The following SORCS3 variants were observed in gnomAD, a reference collection of about 807,000 sequenced individuals.
SORCS3 encodes VPS10 domain-containing receptor SorCS3.
A neutral mutation model predicts 146.3 loss-of-function variants in SORCS3; 57 were observed. The observed-to-expected ratio is 0.39, with a 90% CI of 0.31 to 0.49. SORCS3 has a LOEUF of 0.49. Among genes scored for constraint, SORCS3 ranks in the 20% least tolerant of loss-of-function variants. The probability of loss-of-function intolerance (pLI) is 0.92; values close to 1 mark genes in which losing one functional copy is unlikely to be tolerated. For missense variants in SORCS3, 1,341 were observed against 1,575.5 expected (o/e 0.85, Z 2.52); for synonymous variants, 653 against 618.5 (o/e 1.06, Z -0.83).
intron 4 of SORCS3, among the ~76,000 whole-genome samples, chr10:105,012,076 C>T (rs1281593130): frequency 6.6e-6 from 1 of 152,140 alleles, no homozygotes; most frequent in African/African-American, 2.4e-5. Context: ...AGTTTCAGAG[C>T]ATTCTTCAGC....
chr10:104,991,743 C>T (rs538565792), intron 4 of SORCS3, among the ~76,000 whole-genome samples: 33 of 152,262 alleles, frequency 2.2e-4, no homozygotes, highest in Admixed American at 3.9e-4. Flanking sequence ...TTGTGATCCG[C>T]CCACCTTGGC....
chr10:105,025,996 C>G (rs1360990762), intron 4 of SORCS3, among the ~76,000 whole-genome samples: 1 of 152,048 alleles, frequency 6.6e-6, no homozygotes, highest in Non-Finnish European at 1.5e-5. Flanking sequence ...AGGAAGTCAT[C>G]TTTGACTCTT....
chr10:104,963,312 AC>A (rs2054806720), intron 3 of SORCS3, among the ~76,000 whole-genome samples: 1 of 152,138 alleles, frequency 6.6e-6, no homozygotes. Context: ...AGCTCACTCC[AC>A]TGGCTTTGCC....
At chr10:104,720,349 GC>G (rs1463208959) in intron 1 of SORCS3, among the ~76,000 whole-genome samples, 1 of 152,116 alleles carries the variant, frequency 6.6e-6, no homozygotes, top group Non-Finnish European at 1.5e-5. Context: ...GTGTATATGT[GC>G]CACATTTTCT....
chr10:104,785,011 C>T (rs913251430), intron 1 of SORCS3, among the ~76,000 whole-genome samples: 7 of 152,110 alleles, frequency 4.6e-5, no homozygotes, highest in Non-Finnish European at 1.0e-4. Flanking sequence ...CCTCACTTCC[C>T]AGTAGGGGCG....
Position 105,016,155 on chromosome 10 carries a change from A to ATATATTTT in SORCS3, c.955-26899_955-26898insATATTTTT, listed in dbSNP as rs71482443. ...TATAAATATATATATATATATATAT[A>ATATATTTT]TTTTTTTTTTTTTTTGAGATGGAGT... is the stretch of plus-strand genomic sequence containing the variant. On this transcript the variant is annotated intron_variant, in intron 4 of 26. Coordinates refer to ENST00000369701, the MANE Select transcript of SORCS3 (RefSeq NM_014978.3). 8.6e-4 allele frequency among the ~76,000 whole-genome samples: 87 copies of ATATATTTT among 101,324 alleles called. 2 individuals are homozygous for ATATATTTT. Among genetic ancestry groups the ATATATTTT allele is most frequent in the African/African-American group, 3.8e-3 (79 of 20,678 alleles). The allele number at this position is 101,324 out of a possible 152,430, so 66.5% of individuals were successfully genotyped here.
chr10:104,725,610 G>A (rs1453984423), intron 1 of SORCS3, among the ~76,000 whole-genome samples: 1 of 152,222 alleles, frequency 6.6e-6, no homozygotes, highest in African/African-American at 2.4e-5. Flanking sequence ...TCCTTGAGCT[G>A]AGGTGGGCTC....
intron 1 of SORCS3, among the ~76,000 whole-genome samples, chr10:104,832,834 G>A (rs994473561): frequency 2.0e-5 from 3 of 152,358 alleles, no homozygotes; most frequent in Non-Finnish European, 4.4e-5. Context: ...GCCCCAAGTT[G>A]TGGGGACATG....
intron 20 of SORCS3, among the ~76,000 whole-genome samples, chr10:105,243,560 C>T (rs1173189268): frequency 1.3e-5 from 2 of 152,100 alleles, no homozygotes; most frequent in East Asian, 1.9e-4. Flanking sequence ...CCTCATTTAT[C>T]GATTAATTCA....
intron 3 of SORCS3, among the ~76,000 whole-genome samples, chr10:104,970,536 G>T (rs560879638): frequency 1.3e-5 from 2 of 152,092 alleles, no homozygotes; most frequent in Admixed American, 1.3e-4. Flanking sequence ...GCTTTGACCC[G>T]TTTCCCCTAC....
At chr10:104,940,857 T>A (rs1268607973) in intron 3 of SORCS3, among the ~76,000 whole-genome samples, 2 of 152,112 alleles carry the variant, frequency 1.3e-5, no homozygotes, top group East Asian at 1.9e-4. Flanking sequence ...AAGCTACCAA[T>A]GACTTTCTTC....
At chr10:104,998,455 G>A (rs999168499) in intron 4 of SORCS3, among the ~76,000 whole-genome samples, 2 of 152,204 alleles carry the variant, frequency 1.3e-5, no homozygotes, top group East Asian at 1.9e-4. Flanking sequence ...TCTCCTCCAG[G>A]CCTCACAGCT....
intron 20 of SORCS3, among the ~76,000 whole-genome samples, chr10:105,242,835 T>C (rs2056842239): frequency 9.8e-6 from 1 of 102,118 alleles, no homozygotes; most frequent in Non-Finnish European, 1.7e-5. Context: ...ATAAATTATA[T>C]ATATATTTTT....
chr10:104,851,001 C>G (rs1467050198), intron 2 of SORCS3, among the ~76,000 whole-genome samples: 1 of 152,206 alleles, frequency 6.6e-6, no homozygotes, highest in Admixed American at 6.5e-5. Context: ...TTAGCCAGAA[C>G]ACCTGTCTAA....
chr10:105,223,347 A>G, intron 20 of SORCS3, 98 bp downstream of exon 20: 6 of 1,249,622 alleles, frequency 4.8e-6, no homozygotes, highest in Non-Finnish European at 6.5e-6. Context: ...GAATGCAGGC[A>G]ATAAGAGGTA....
At chr10:104,805,430 C>T (rs565757153) in intron 1 of SORCS3, among the ~76,000 whole-genome samples, 1 of 152,268 alleles carries the variant, frequency 6.6e-6, no homozygotes, top group African/African-American at 2.4e-5. Flanking sequence ...CAAATTTTCA[C>T]ATGTTGTTTG....
chr10:104,836,929 GTA>G (rs2018075753), intron 1 of SORCS3, among the ~76,000 whole-genome samples: 1 of 152,154 alleles, frequency 6.6e-6, no homozygotes, highest in Non-Finnish European at 1.5e-5. Flanking sequence ...CCATTTCAGT[GTA>G]TAGAAATTCC....
chr10:104,989,294 T>C (rs368243395), intron 4 of SORCS3, among the ~76,000 whole-genome samples: 100 of 152,330 alleles, frequency 6.6e-4, no homozygotes, highest in African/African-American at 2.4e-3. Context: ...ACTCTGCATG[T>C]ATCACTCAGA....
At chr10:105,007,121 T>C (rs73335955) in intron 4 of SORCS3, among the ~76,000 whole-genome samples, 6,979 of 152,292 alleles carry the variant, frequency 0.046, 182 homozygotes, top group Middle Eastern at 0.078. Flanking sequence ...AAAAGGAAGT[T>C]ATTCTAATCT....
Sources: allele counts gnomAD v4.1 joint callset (sites outside exome capture counted in the v4.1 genomes callset), GRCh38; gene constraint gnomAD v4.1.1; transcripts MANE v1.5; gene names NCBI Gene and HGNC (gene_info 2026-07-23, HGNC 2026-07-21).